The following CSMD3 variants were observed in gnomAD, a reference collection of about 807,000 sequenced individuals.
The protein encoded by CSMD3 is CUB and sushi domain-containing protein 3.
In CSMD3, 177 loss-of-function variants were observed where a neutral mutation model predicts 435.2. That is an observed-to-expected ratio of 0.41 (90% confidence interval 0.36 to 0.46). The LOEUF (loss-of-function observed/expected upper bound fraction) is 0.46. CSMD3 is among the 20% of genes least tolerant of loss of function. The probability of loss-of-function intolerance (pLI) is 0.34; values close to 1 mark genes in which losing one functional copy is unlikely to be tolerated. For synonymous variants in CSMD3, 1,656 were observed against 1,520.5 expected, an observed-to-expected ratio of 1.09 and a Z score of -2.07; for missense variants, 4,265 against 4,504.6, an observed-to-expected ratio of 0.95 and a Z score of 1.52.
In CSMD3 at chr8:113,186,526, C is replaced by T. The variant is rs534432841; in HGVS notation, c.515-12610G>A. On this transcript the variant is annotated intron_variant, in intron 3 of 70. Coordinates refer to ENST00000297405, the MANE Select transcript of CSMD3 (RefSeq NM_198123.2). ...CGTTTATAGGACGCTTTCCCATTGT[C>T]AATAGAACCCAGCAGCTCCTCACAC... 9.9e-5 allele frequency among the ~76,000 whole-genome samples: 15 copies of T among 152,130 alleles called. No homozygotes were observed. The South Asian group carries it at 3.1e-3, about 32-fold the overall frequency.
At chr8:113,173,433 T>C (rs112717493) in intron 4 of CSMD3, among the ~76,000 whole-genome samples, 10,038 of 152,158 alleles carry the variant, frequency 0.066, 451 homozygotes, top group Non-Finnish European at 0.095. Flanking sequence ...GCAACACTCC[T>C]GCCTCAGCCT....
At chr8:113,331,805 T>C (rs2094029628) in intron 1 of CSMD3, among the ~76,000 whole-genome samples, 1 of 151,730 alleles carries the variant, frequency 6.6e-6, no homozygotes, top group African/African-American at 2.4e-5. Flanking sequence ...ACAGCTATGT[T>C]AAACTGACGA....
At chr8:112,356,041 T>C (rs1160102188) in intron 38 of CSMD3, among the ~76,000 whole-genome samples, 1 of 152,042 alleles carries the variant, frequency 6.6e-6, no homozygotes, top group East Asian at 1.9e-4. Flanking sequence ...AAACAGATGG[T>C]GGCAAGGCTG....
rs888415948 is a variant in CSMD3 at position 112,466,047 on chromosome 8, G to A, written c.5395+6544C>T. Reference sequence around the variant, plus strand: ...TAAAAAGTAATGACAAATAGTAAACGCAAGTTTTGAATAAACACACATATT... The same window carrying A: ...TAAAAAGTAATGACAAATAGTAAACACAAGTTTTGAATAAACACACATATT... On this transcript the variant is annotated intron_variant, in intron 32 of 70. Coordinates refer to ENST00000297405, the MANE Select transcript of CSMD3 (RefSeq NM_198123.2). Among the ~76,000 whole-genome samples the A allele has an allele frequency of 4.0e-5, 6 of 151,500 alleles. No homozygotes were observed. The South Asian group carries it at 8.3e-4, about 21-fold the overall frequency.
chr8:113,386,163 G>C (rs1208888512), intron 1 of CSMD3, among the ~76,000 whole-genome samples: 1 of 151,956 alleles, frequency 6.6e-6, no homozygotes, highest in Non-Finnish European at 1.5e-5. Context: ...TGCAGGAGAA[G>C]ATGTGCCAGT....
chr8:112,888,647 C>A (rs936222889), intron 10 of CSMD3, among the ~76,000 whole-genome samples: 1 of 151,596 alleles, frequency 6.6e-6, no homozygotes, highest in African/African-American at 2.4e-5. Context: ...GAGGAAACTG[C>A]AGAAGAAAGA....
At chr8:112,447,733 C>T (rs1362173742) in intron 32 of CSMD3, among the ~76,000 whole-genome samples, 2 of 151,938 alleles carry the variant, frequency 1.3e-5, no homozygotes, top group African/African-American at 4.8e-5. Context: ...TAACTGTTGC[C>T]CAAAGTTTGA....
At chr8:113,209,930 TTC>T (rs1328820863) in intron 3 of CSMD3, among the ~76,000 whole-genome samples, 1 of 151,922 alleles carries the variant, frequency 6.6e-6, no homozygotes, top group Non-Finnish European at 1.5e-5. Flanking sequence ...TGCCTGTATT[TTC>T]TCTCTTTTCT....
chr8:112,648,081 C>A (rs1309682299), intron 19 of CSMD3, among the ~76,000 whole-genome samples: 1 of 152,158 alleles, frequency 6.6e-6, no homozygotes, highest in East Asian at 1.9e-4. Flanking sequence ...ACACTGTACA[C>A]AAGCATTAGG....
intron 70 of CSMD3, among the ~76,000 whole-genome samples, chr8:112,227,636 T>C (rs1812694154): frequency 6.6e-6 from 1 of 152,202 alleles, no homozygotes; most frequent in African/African-American, 2.4e-5. Context: ...ATGATTATTC[T>C]TTATCTATTA....
chr8:112,994,014 A>G (rs1587845582), intron 6 of CSMD3, among the ~76,000 whole-genome samples: 2 of 151,814 alleles, frequency 1.3e-5, no homozygotes, highest in African/African-American at 4.8e-5. Context: ...CTTATCTTAC[A>G]TGTAAAGAAT....
At chr8:112,528,085 T>C (rs1254845122) in intron 27 of CSMD3, among the ~76,000 whole-genome samples, 1 of 152,162 alleles carries the variant, frequency 6.6e-6, no homozygotes, top group Non-Finnish European at 1.5e-5. Flanking sequence ...ATGGTCCTCA[T>C]GTACATTAAC....
intron 61 of CSMD3, among the ~76,000 whole-genome samples, chr8:112,260,206 C>T (rs778955633): frequency 1.6e-4 from 25 of 152,122 alleles, no homozygotes; most frequent in Non-Finnish European, 3.4e-4. Flanking sequence ...GATTTGCATA[C>T]CCAATGGATA....
intron 68 of CSMD3, 141 bp from the exon 69 acceptor site, chr8:112,231,773 T>C (rs572995249): frequency 7.7e-6 from 5 of 649,454 alleles, no homozygotes; most frequent in East Asian, 2.7e-5. Flanking sequence ...TTGCAAAATA[T>C]AGCACATTGT....
At chr8:112,342,365 TA>T (rs1247758156) in intron 41 of CSMD3, among the ~76,000 whole-genome samples, 3 of 152,126 alleles carry the variant, frequency 2.0e-5, no homozygotes, top group Non-Finnish European at 2.9e-5. Flanking sequence ...AAATGTTAAT[TA>T]AAGTATATTT....
chr8:112,752,319 A>T (rs1195875403), intron 13 of CSMD3, among the ~76,000 whole-genome samples: 3 of 151,860 alleles, frequency 2.0e-5, no homozygotes, highest in African/African-American at 7.3e-5. Flanking sequence ...TTTATTTCCT[A>T]CTTGTACTCA....
intron 31 of CSMD3, among the ~76,000 whole-genome samples, chr8:112,490,990 G>C (rs2130844118): frequency 6.6e-6 from 1 of 152,142 alleles, no homozygotes; most frequent in Non-Finnish European, 1.5e-5. Context: ...TTAACCAGCT[G>C]TTCTGGTAAT....
chr8:113,321,985 T>C (rs2093952401), intron 1 of CSMD3, among the ~76,000 whole-genome samples: 1 of 152,152 alleles, frequency 6.6e-6, no homozygotes, highest in Non-Finnish European at 1.5e-5. Flanking sequence ...AGAGAGGCCT[T>C]TGTTTTAAAT....
intron 10 of CSMD3, among the ~76,000 whole-genome samples, chr8:112,882,904 G>A (rs1489861092): frequency 1.3e-5 from 2 of 151,972 alleles, no homozygotes; most frequent in African/African-American, 4.8e-5. Context: ...AGGCAAATTA[G>A]CTGAATCAGA....
Sources: gnomAD v4.1 joint callset for allele counts (sites outside exome capture counted in the v4.1 genomes callset) on GRCh38, gnomAD v4.1.1 for gene constraint, MANE v1.5 for transcripts, NCBI Gene and HGNC (gene_info 2026-07-23, HGNC 2026-07-21) for gene names.